The following CNTNAP2 variants were observed in gnomAD, a reference collection of about 807,000 sequenced individuals.
CNTNAP2 encodes contactin associated protein 2, also known as contactin-associated protein-like 2.
In CNTNAP2, 98 loss-of-function variants were observed where a neutral mutation model predicts 155.2. That is an observed-to-expected ratio of 0.63 (90% confidence interval 0.54 to 0.75). The LOEUF is 0.75. CNTNAP2 is among the 30% of genes least tolerant of loss of function. The pLI is 0.00. For synonymous variants in CNTNAP2, 651 were observed against 631.2 expected, an observed-to-expected ratio of 1.03 and a Z score of -0.47; for missense variants, 1,727 against 1,688.1, an observed-to-expected ratio of 1.02 and a Z score of -0.40.
intron 1 of CNTNAP2, among the ~76,000 whole-genome samples, chr7:146,663,277 CAAAA>C (rs543257224): frequency 3.0e-5 from 1 of 33,238 alleles, no homozygotes; most frequent in Non-Finnish European, 7.8e-5. Flanking sequence ...AACTCCATCT[CAAAA>C]AAAAAAAAAA....
chr7:147,849,565 A>C (rs966165029), intron 13 of CNTNAP2, among the ~76,000 whole-genome samples: 6 of 152,218 alleles, frequency 3.9e-5, no homozygotes, highest in Non-Finnish European at 7.3e-5. Context: ...AAGATGAATC[A>C]CGTCTTTATT....
chr7:148,348,249 C>T (rs1798361326), intron 21 of CNTNAP2, among the ~76,000 whole-genome samples: 1 of 152,136 alleles, frequency 6.6e-6, no homozygotes, highest in Non-Finnish European at 1.5e-5. Context: ...CCTGGACGTG[C>T]TTTTAGAAAG....
intron 1 of CNTNAP2, among the ~76,000 whole-genome samples, chr7:146,398,875 C>A (rs1023492753): frequency 6.6e-6 from 1 of 151,644 alleles, no homozygotes; most frequent in Non-Finnish European, 1.5e-5. Context: ...AAACCTATTT[C>A]TTTTTTAAAA....
rs200301529 is a variant in CNTNAP2 at position 146,667,789 on chromosome 7, T to TACA, written c.98-106481_98-106480insCAA. On this transcript the variant is annotated intron_variant, in intron 1 of 23. Coordinates refer to ENST00000361727, the MANE Select transcript of CNTNAP2 (RefSeq NM_014141.6). Reference sequence around the variant, plus strand: ...TCTTTTTTTTAGTTTGTTGCTTGTGTATAGAAATGCTATGGATTTTCGTGT... The same window carrying TACA: ...TCTTTTTTTTAGTTTGTTGCTTGTGTACAATAGAAATGCTATGGATTTTCGTGT... Among the ~76,000 whole-genome samples, 1,406 of 152,146 alleles carry TACA rather than the reference T, an allele frequency of 9.2e-3. 8 individuals carry two copies. The highest frequency in any genetic ancestry group is 0.013 in the Non-Finnish European group (894 of 67,966).
chr7:147,741,194 C>T (rs1051798125), intron 13 of CNTNAP2, among the ~76,000 whole-genome samples: 13 of 152,210 alleles, frequency 8.5e-5, no homozygotes, highest in Non-Finnish European at 1.5e-4. Context: ...GGCCGCAGCA[C>T]TGTCTGCTAT....
At chr7:147,165,553 CTG>C (rs1229201128) in intron 8 of CNTNAP2, among the ~76,000 whole-genome samples, 5 of 152,162 alleles carry the variant, frequency 3.3e-5, no homozygotes, top group African/African-American at 9.7e-5. Flanking sequence ...GCCATGAAAT[CTG>C]TGCCTAAGCC....
chr7:148,223,205 C>T (rs1795783553), intron 19 of CNTNAP2, among the ~76,000 whole-genome samples: 1 of 152,180 alleles, frequency 6.6e-6, no homozygotes, highest in South Asian at 2.1e-4. Context: ...TCATTCTAGG[C>T]TGAGATCAAG....
At chr7:146,724,561 C>CTTTTT (rs1000613503) in intron 1 of CNTNAP2, among the ~76,000 whole-genome samples, 4 of 65,622 alleles carry the variant, frequency 6.1e-5, no homozygotes, top group African/African-American at 2.1e-4. Flanking sequence ...TAAATCTAAA[C>CTTTTT]TTTTTTTTTT....
chr7:147,934,706 C>T (rs984568799), intron 14 of CNTNAP2, among the ~76,000 whole-genome samples: 1 of 152,184 alleles, frequency 6.6e-6, no homozygotes, highest in Non-Finnish European at 1.5e-5. Flanking sequence ...ATCAAAGTAA[C>T]CCTACATAAC....
chr7:146,373,435 T>TACACAC (rs1563059452), intron 1 of CNTNAP2, among the ~76,000 whole-genome samples: 2 of 142,096 alleles, frequency 1.4e-5, no homozygotes, highest in African/African-American at 5.9e-5. Flanking sequence ...CACACACACT[T>TACACAC]AGGCATGAGG....
chr7:146,674,514 A>G, intron 1 of CNTNAP2, among the ~76,000 whole-genome samples: 1 of 143,652 alleles, frequency 7.0e-6, no homozygotes, highest in Non-Finnish European at 1.5e-5. Context: ...AAAAAAATTA[A>G]AAAAAAAAGC....
chr7:147,235,515 G>A (rs1803781726), intron 8 of CNTNAP2, among the ~76,000 whole-genome samples: 1 of 152,046 alleles, frequency 6.6e-6, no homozygotes, highest in Admixed American at 6.6e-5. Context: ...TTTTTGTGGA[G>A]GTACTTTGAA....
At chr7:148,028,698 G>C (rs888021890) in intron 15 of CNTNAP2, among the ~76,000 whole-genome samples, 3 of 152,170 alleles carry the variant, frequency 2.0e-5, no homozygotes, top group African/African-American at 7.2e-5. Context: ...GTACTAAAAA[G>C]AATCAGGCTT....
chr7:147,847,890 C>T (rs1017308835), intron 13 of CNTNAP2, among the ~76,000 whole-genome samples: 3 of 116,332 alleles, frequency 2.6e-5, no homozygotes, highest in East Asian at 2.5e-4. Flanking sequence ...CTGGGGGGTG[C>T]CTCCCAGTTA....
intron 5 of CNTNAP2, among the ~76,000 whole-genome samples, chr7:147,120,101 T>C (rs1349779057): frequency 3.3e-5 from 5 of 152,220 alleles, no homozygotes; most frequent in African/African-American, 2.4e-5. Context: ...AGATAACAAG[T>C]AAATTTTCTA....
intron 17 of CNTNAP2, among the ~76,000 whole-genome samples, chr7:148,152,873 T>C (rs1027740951): frequency 6.6e-6 from 1 of 151,678 alleles, no homozygotes; most frequent in African/African-American, 2.4e-5. Flanking sequence ...ACAAAAAAAT[T>C]AGCCAGGTGT....
chr7:146,415,809 T>C (rs1795930388), intron 1 of CNTNAP2, among the ~76,000 whole-genome samples: 1 of 152,112 alleles, frequency 6.6e-6, no homozygotes, highest in African/African-American at 2.4e-5. Flanking sequence ...TTTATATATG[T>C]AAAATGAGGG....
At chr7:148,100,883 A>G (rs1405652022) in intron 15 of CNTNAP2, among the ~76,000 whole-genome samples, 1 of 152,146 alleles carries the variant, frequency 6.6e-6, no homozygotes, top group African/African-American at 2.4e-5. Context: ...ACCAACCTAA[A>G]TGTCCAACAA....
chr7:147,598,089 C>A (rs777678151), intron 12 of CNTNAP2, among the ~76,000 whole-genome samples: 5 of 152,024 alleles, frequency 3.3e-5, no homozygotes, highest in Non-Finnish European at 7.4e-5. Context: ...CTGCCAAACC[C>A]CTGTGGGGTA....
Sources: allele counts gnomAD v4.1 joint callset (sites outside exome capture counted in the v4.1 genomes callset), GRCh38; gene constraint gnomAD v4.1.1; transcripts MANE v1.5; gene names NCBI Gene and HGNC (gene_info 2026-07-23, HGNC 2026-07-21).